Variants in ZNF568 observed in about 807,000 individuals in gnomAD.
The protein encoded by ZNF568 is p53 inhibitor of SCO2 activation.
ZNF568 carries 11 observed loss-of-function variants against 18.1 expected under a neutral mutation model. That is an observed-to-expected ratio of 0.61 (90% confidence interval 0.38 to 1.00). The LOEUF is 1.00. ZNF568 is among the 50% of genes least tolerant of loss of function. The pLI is 0.01. For missense variants in ZNF568, 639 were observed against 768.2 expected, an observed-to-expected ratio of 0.83 and a Z score of 1.99; for synonymous variants, 213 against 246.6, an observed-to-expected ratio of 0.86 and a Z score of 1.28.
intron 4 of ZNF568, among the ~76,000 whole-genome samples, chr19:36,993,363 G>T (rs1600863161): frequency 6.6e-6 from 1 of 152,084 alleles, no homozygotes; most frequent in Non-Finnish European, 1.5e-5. Flanking sequence ...TGAAGATACT[G>T]GTCTGTAGTT....
intron 6 of ZNF568, among the ~76,000 whole-genome samples, chr19:36,947,312 G>T (rs1160060726): frequency 1.3e-5 from 2 of 152,024 alleles, no homozygotes; most frequent in Admixed American, 6.6e-5. Context: ...CCATGCCCTG[G>T]CTGAACCTGG....
chr19:36,942,596 CT>C (rs2073900262), intron 6 of ZNF568, among the ~76,000 whole-genome samples: 1 of 72,572 alleles, frequency 1.4e-5, no homozygotes. Context: ...CAGACTCCGT[CT>C]CAAAAAAAAA....
In ZNF568 at chr19:36,930,029, C is replaced by T. The variant is rs568878355; in HGVS notation, c.135+4771C>T. Among the ~76,000 whole-genome samples the T allele has an allele frequency of 6.7e-5, 10 of 149,664 alleles. No homozygotes were observed. The South Asian group carries it at 2.1e-3, about 32-fold the overall frequency. On this transcript the variant is annotated intron_variant, in intron 4 of 6. Transcript: ENST00000333987. ...CTGTGAATTTATGTTTTTTAAGGTT[C>T]GAACCCCTATGTTTCTTGCTATTAA...
intron 2 of ZNF568, among the ~76,000 whole-genome samples, chr19:36,918,718 G>A (rs1239030395): frequency 6.6e-6 from 1 of 152,150 alleles, no homozygotes; most frequent in Non-Finnish European, 1.5e-5. Flanking sequence ...TTATGGTACC[G>A]TCACCACCAT....
intron 4 of ZNF568, among the ~76,000 whole-genome samples, chr19:36,933,928 T>C (rs1439618892): frequency 2.2e-5 from 3 of 136,380 alleles, no homozygotes; most frequent in African/African-American, 8.9e-5. Context: ...TTTTTTGTTT[T>C]TTTTTTTTTT....
chr19:36,919,811 T>C (rs2073420393), intron 2 of ZNF568, among the ~76,000 whole-genome samples: 1 of 152,194 alleles, frequency 6.6e-6, no homozygotes, highest in African/African-American at 2.4e-5. Flanking sequence ...CCATTACTCA[T>C]GTGTTTGCAG....
chr19:36,964,279 G>A (rs1279773744), intron 6 of ZNF568, among the ~76,000 whole-genome samples: 3 of 151,916 alleles, frequency 2.0e-5, no homozygotes, highest in Non-Finnish European at 2.9e-5. Context: ...AGGAAGGAAG[G>A]GAGGGAGGGT....
chr19:36,967,990 G>C (rs1352643420), intron 6 of ZNF568, among the ~76,000 whole-genome samples: 1 of 152,104 alleles, frequency 6.6e-6, no homozygotes, highest in South Asian at 2.1e-4. Flanking sequence ...AGTTTCTTGT[G>C]GGCTAAATTG....
At chr19:36,982,196 G>A (rs1320368007), downstream of ZNF568, among the ~76,000 whole-genome samples, 2 of 151,840 alleles carry the variant, frequency 1.3e-5, no homozygotes, top group Non-Finnish European at 2.9e-5. Context: ...TTGCTGCACT[G>A]GCTCCACCTC....
chr19:36,982,222 A>G (rs781170456), downstream of ZNF568, among the ~76,000 whole-genome samples: 4 of 152,166 alleles, frequency 2.6e-5, no homozygotes, highest in Non-Finnish European at 4.4e-5. Flanking sequence ...ACAGTTTTGA[A>G]TGGTGAATAT....
At chr19:36,994,588 A>G (rs2074453668) in intron 4 of ZNF568, among the ~76,000 whole-genome samples, 2 of 152,168 alleles carry the variant, frequency 1.3e-5, no homozygotes, top group African/African-American at 4.8e-5. Context: ...TATTAGGTGT[A>G]TATGTACTTA....
intron 4 of ZNF568, among the ~76,000 whole-genome samples, chr19:36,930,133 C>T (rs2073659866): frequency 6.6e-6 from 1 of 151,660 alleles, no homozygotes; most frequent in Non-Finnish European, 1.5e-5. Context: ...ACTGACTCAT[C>T]ATTTTATACA....
chr19:36,965,951 C>T (rs1027987069), intron 6 of ZNF568, among the ~76,000 whole-genome samples: 7 of 151,734 alleles, frequency 4.6e-5, no homozygotes, highest in Non-Finnish European at 8.8e-5. Flanking sequence ...CTGCCCGCCT[C>T]GGCCTCCCAA....
intron 4 of ZNF568, 111 bp downstream of exon 4, chr19:36,925,369 A>T (rs1019361596): frequency 3.0e-6 from 3 of 995,778 alleles, no homozygotes; most frequent in Non-Finnish European, 4.5e-6. Context: ...AATAAAAGTG[A>T]GAAAAAATAC....
At chr19:36,996,329 G>C (rs887360438) in exon 5 of ZNF568, 3 of 1,530,358 alleles carry the variant, frequency 2.0e-6, no homozygotes, top group African/African-American at 2.8e-5. Context: ...TGGGAGTTTG[G>C]AAGAGAAACC....
chr19:36,965,662 C>T (rs2074188438), intron 6 of ZNF568, among the ~76,000 whole-genome samples: 1 of 151,826 alleles, frequency 6.6e-6, no homozygotes, highest in Admixed American at 6.6e-5. Context: ...CATGCTTTCT[C>T]CACCATTATG....
chr19:36,943,668 G>A (rs1360382792), intron 6 of ZNF568, among the ~76,000 whole-genome samples: 2 of 152,044 alleles, frequency 1.3e-5, no homozygotes, highest in Admixed American at 6.6e-5. Flanking sequence ...TCCGCCTCCC[G>A]GGTTCAAGCG....
At chr19:36,990,343 G>A (rs1644677) in intron 2 of ZNF568, among the ~76,000 whole-genome samples, 80,760 of 151,724 alleles carry the variant, frequency 0.53, 21,975 homozygotes, top group African/African-American at 0.61. Context: ...GACCAGGCAC[G>A]GTGGCTCATG....
chr19:36,971,846 CTT>C (rs10672807), intron 6 of ZNF568, among the ~76,000 whole-genome samples: 3 of 142,920 alleles, frequency 2.1e-5, no homozygotes, highest in Admixed American at 7.0e-5. Context: ...CTATTTATAA[CTT>C]TTTTTTTTTT....
Sources: allele counts gnomAD v4.1 joint callset (sites outside exome capture counted in the v4.1 genomes callset), GRCh38; gene constraint gnomAD v4.1.1; transcripts MANE v1.5; gene names NCBI Gene and HGNC (gene_info 2026-07-23, HGNC 2026-07-21).